SNTG1: variants seen among roughly 807,000 people sequenced by gnomAD.
SNTG1 encodes the protein gamma-1-syntrophin.
Under a neutral mutation model 74.7 loss-of-function variants are expected in SNTG1, and 39 were observed. The ratio of observed to expected loss-of-function variants is 0.52; its 90% CI spans 0.40 to 0.68. SNTG1 has a LOEUF of 0.68. Among genes scored for constraint, SNTG1 ranks in the 30% least tolerant of loss-of-function variants. The pLI is 0.00. For missense variants in SNTG1, 685 were observed against 609.5 expected, an observed-to-expected ratio of 1.12 and a Z score of -1.30; for synonymous variants, 254 against 217.1, an observed-to-expected ratio of 1.17 and a Z score of -1.49.
intron 1 of SNTG1, among the ~76,000 whole-genome samples, chr8:50,125,209 T>C (rs2081102840): frequency 7.0e-6 from 1 of 142,216 alleles, no homozygotes; most frequent in Admixed American, 7.2e-5. Flanking sequence ...CATCAGGAAC[T>C]CAGTAATCAA....
At chr8:50,714,415 A>G (rs1285867266) in intron 17 of SNTG1, among the ~76,000 whole-genome samples, 2 of 152,162 alleles carry the variant, frequency 1.3e-5, no homozygotes, top group East Asian at 1.9e-4. Context: ...ATGAAAAAAA[A>G]AAATTCCATG....
chr8:50,536,456 T>C (rs1456651873), intron 10 of SNTG1, among the ~76,000 whole-genome samples: 1 of 152,222 alleles, frequency 6.6e-6, no homozygotes, highest in Non-Finnish European at 1.5e-5. Flanking sequence ...GCACTCTTAG[T>C]CTCAATGATT....
intron 18 of SNTG1, chr8:50,762,608 G>T: frequency 2.4e-6 from 1 of 416,686 alleles, no homozygotes; most frequent in South Asian, 2.0e-5. Flanking sequence ...CACCATCAGT[G>T]TATCCTCTCC....
At chr8:50,326,801 CT>C (rs1345550646) in intron 2 of SNTG1, among the ~76,000 whole-genome samples, 1 of 151,790 alleles carries the variant, frequency 6.6e-6, no homozygotes, top group Admixed American at 6.6e-5. Context: ...TTTGAGCTCA[CT>C]TTTGTTCTGC....
intron 9 of SNTG1, among the ~76,000 whole-genome samples, chr8:50,517,934 C>A (rs939747524): frequency 6.6e-6 from 1 of 152,154 alleles, no homozygotes; most frequent in Non-Finnish European, 1.5e-5. Flanking sequence ...AGGACTTGAA[C>A]TCAGCTCTGG....
At chr8:50,463,278 G>T (rs1354596924) in intron 8 of SNTG1, among the ~76,000 whole-genome samples, 1 of 151,964 alleles carries the variant, frequency 6.6e-6, no homozygotes, top group Non-Finnish European at 1.5e-5. Flanking sequence ...AAACAGAAAT[G>T]TTTTTTTAAT....
rs1219276627 is a variant in SNTG1, at chr8:50,670,682, G to GA, written c.1038+12025dup. 2.8e-5 allele frequency among the ~76,000 whole-genome samples: 4 copies of GA among 142,438 alleles called. 1 individual carries two copies. The highest frequency in any genetic ancestry group is 1.1e-4 in the African/African-American group (4 of 37,636). 93.4% of individuals were successfully genotyped at this position (142,438 alleles called of 152,430 possible). Reference sequence around the variant, plus strand: ...ACCAATGACTTTCTTCAAAGAATTGGAAAAAACTACTTTAAAGTTCATATG... The same window carrying GA: ...ACCAATGACTTTCTTCAAAGAATTGGAAAAAAACTACTTTAAAGTTCATATG... On this transcript the variant is annotated intron_variant, in intron 15 of 18. Coordinates refer to ENST00000642720, the MANE Select transcript of SNTG1 (RefSeq NM_018967.5).
intron 4 of SNTG1, among the ~76,000 whole-genome samples, chr8:50,403,297 T>A (rs2092829490): frequency 6.6e-6 from 1 of 152,234 alleles, no homozygotes; most frequent in Admixed American, 6.5e-5. Flanking sequence ...ACTAACACCC[T>A]ATGGGAGTCA....
At chr8:50,654,528 A>G (rs1239841597) in intron 13 of SNTG1, among the ~76,000 whole-genome samples, 5 of 152,186 alleles carry the variant, frequency 3.3e-5, no homozygotes, top group African/African-American at 7.2e-5. Context: ...GAAAATTCCA[A>G]TATCTGAAAT....
chr8:50,585,527 A>T (rs1049470972), intron 12 of SNTG1, among the ~76,000 whole-genome samples: 1 of 152,206 alleles, frequency 6.6e-6, no homozygotes, highest in Non-Finnish European at 1.5e-5. Context: ...GTAACATGGA[A>T]AATGCCTTTT....
chr8:50,324,088 G>A (rs1439269907), intron 2 of SNTG1, among the ~76,000 whole-genome samples: 1 of 152,120 alleles, frequency 6.6e-6, no homozygotes, highest in African/African-American at 2.4e-5. Flanking sequence ...AGTTTACCTA[G>A]GACCCCAGAG....
chr8:50,329,900 T>A lies in SNTG1; in HGVS notation c.-27-64312T>A, dbSNP rs150672686. 7.8e-4 allele frequency among the ~76,000 whole-genome samples: 119 copies of A among 152,274 alleles called. 3 individuals are homozygous for A. In the East Asian group the frequency reaches 0.018, roughly 23 times the overall value. On this transcript the variant is annotated intron_variant, in intron 2 of 18. Transcript: ENST00000642720. ...TTTAAACATAAGTTCCAATTTCAGA[T>A]CATCTCTTTCCAGTAAAATTTCCAC...
At chr8:50,505,556 G>T (rs1256521870) in intron 9 of SNTG1, among the ~76,000 whole-genome samples, 1 of 151,976 alleles carries the variant, frequency 6.6e-6, no homozygotes, top group Non-Finnish European at 1.5e-5. Context: ...TCTAATTGTT[G>T]TCAGATGATA....
Position 50,391,629 on chromosome 8 carries a change from T to G in SNTG1, c.-27-2583T>G, listed in dbSNP as rs569317110. Among the ~76,000 whole-genome samples, 3 of 152,298 alleles carry G rather than the reference T, an allele frequency of 2.0e-5. No individual in the cohort carries two copies. In the South Asian group the frequency reaches 6.2e-4, roughly 32 times the overall value. On this transcript the variant is annotated intron_variant, in intron 2 of 18. Transcript: ENST00000642720. The stretch of plus-strand genomic sequence containing the variant: ...TTCCCTCTTTTTCTATTGATTGGAA[T>G]AGTTTCAGAAGGAATGGTACCAGCT...
chr8:50,081,187 A>G (rs1004961038), intron 1 of SNTG1, among the ~76,000 whole-genome samples: 3 of 152,134 alleles, frequency 2.0e-5, no homozygotes, highest in African/African-American at 7.2e-5. Flanking sequence ...TTTTCCAAAA[A>G]TATTTATATT....
chr8:50,012,172 A>AT (rs1299605047), intron 1 of SNTG1, among the ~76,000 whole-genome samples: 1 of 152,186 alleles, frequency 6.6e-6, no homozygotes, highest in Admixed American at 6.6e-5. Flanking sequence ...TTTAAAAAAA[A>AT]TGAGCACTTA....
chr8:50,622,764 T>C (rs569015546), intron 13 of SNTG1, among the ~76,000 whole-genome samples: 1 of 152,200 alleles, frequency 6.6e-6, no homozygotes, highest in East Asian at 1.9e-4. Context: ...ATTGTTGCTT[T>C]CTTGTAATTT....
At chr8:50,017,319 CTATT>C (rs1460939627) in intron 1 of SNTG1, among the ~76,000 whole-genome samples, 3 of 151,868 alleles carry the variant, frequency 2.0e-5, no homozygotes, top group East Asian at 1.9e-4. Context: ...AGAAAATAAT[CTATT>C]TAACAATCAC....
At chr8:50,171,624 A>T (rs144310828) in intron 1 of SNTG1, among the ~76,000 whole-genome samples, 1 of 152,158 alleles carries the variant, frequency 6.6e-6, no homozygotes, top group African/African-American at 2.4e-5. Flanking sequence ...TTAAGTTGAC[A>T]CTGAGTGTTA....
Sources: allele counts gnomAD v4.1 joint callset (sites outside exome capture counted in the v4.1 genomes callset), GRCh38; gene constraint gnomAD v4.1.1; transcripts MANE v1.5; gene names NCBI Gene and HGNC (gene_info 2026-07-23, HGNC 2026-07-21).